Variants in ADCY1 observed in about 807,000 individuals in gnomAD.
The protein encoded by ADCY1 is adenylate cyclase 1, also known as adenylate cyclase type 1.
ADCY1 carries 28 observed loss-of-function variants against 105.4 expected under a neutral mutation model. That is an observed-to-expected ratio of 0.27 (90% CI 0.20 to 0.36). ADCY1 has a LOEUF of 0.36. Among genes scored for constraint, ADCY1 ranks in the 10% least tolerant of loss-of-function variants. The pLI is 1.00. For synonymous variants in ADCY1, 655 were observed against 623.8 expected (o/e 1.05, Z -0.75); for missense variants, 977 against 1,434.2 (o/e 0.68, Z 5.15).
In ADCY1 at chr7:45,710,717, A is replaced by C; in HGVS notation, c.3057+65A>C. 1.3e-6 allele frequency: 2 copies of C among 1,538,734 alleles called. No individual in the cohort carries two copies. The highest frequency in any genetic ancestry group is 1.8e-6 in the Non-Finnish European group (2 of 1,141,916). On this transcript the variant is annotated intron_variant, in intron 19 of 19. Transcript: ENST00000297323. The surrounding 1 kb of genome is among the most constrained non-coding windows in gnomAD (Gnocchi z 4.7). ...TCTTCAGGTGAGGAAACTGAGGCAC[A>C]GGGGGCCAGAATTGAATCCCCAGTC...
At chr7:45,577,592 C>G (rs957859273) in intron 1 of ADCY1, among the ~76,000 whole-genome samples, 2 of 152,216 alleles carry the variant, frequency 1.3e-5, no homozygotes, top group African/African-American at 4.8e-5. Context: ...TGCAGTCACT[C>G]GTTGACAGCA....
intron 6 of ADCY1, among the ~76,000 whole-genome samples, chr7:45,658,527 G>A (rs1010130655): frequency 6.6e-6 from 1 of 152,176 alleles, no homozygotes; most frequent in African/African-American, 2.4e-5. Context: ...CAGAACACTG[G>A]CTGCCCCTCA....
At position 45,686,030 on chromosome 7, in the gene ADCY1, C is replaced by T. The variant is rs1339477009; in HGVS notation, c.2142C>T (p.Gly714=). ...CCCTGGTGGTCCTTTCGTCTGGGGGCCAGCGCACAGCCCTGCCCACCCTGC... is the reference window on the plus strand; with the variant it reads ...CCCTGGTGGTCCTTTCGTCTGGGGGTCAGCGCACAGCCCTGCCCACCCTGC... ...NSSLVVLSSG[G]QRTALPTLPC... is the part of the protein sequence containing the mutation. The change falls in exon 13 of 20, where the codon GGC becomes GGT. Residue 714 remains glycine, a synonymous_variant. Transcript: ENST00000297323. This position sits in a 1 kb window ranked among gnomAD's most constrained non-coding sequence, Gnocchi z 4.3. 1 of 1,614,058 alleles carries T rather than the reference C, an allele frequency of 6.2e-7. No homozygotes were observed. Among genetic ancestry groups the T allele is most frequent in the Non-Finnish European group, 8.5e-7 (1 of 1,179,994 alleles).
rs1785196609 is a variant in ADCY1 at position 45,710,055 on chromosome 7, G to T, written c.2933-473G>T. Reference sequence around the variant, plus strand: ...CTGCACCATCTTGCTTAGTTATGGGGCCCATACTCTAAAATAGCCATAAGG... The same window carrying T: ...CTGCACCATCTTGCTTAGTTATGGGTCCCATACTCTAAAATAGCCATAAGG... On this transcript the variant is annotated intron_variant, in intron 18 of 19. Coordinates refer to ENST00000297323, the MANE Select transcript of ADCY1 (RefSeq NM_021116.4). The surrounding 1 kb of genome is among the most constrained non-coding windows in gnomAD (Gnocchi z 4.7). Among the ~76,000 whole-genome samples the T allele has an allele frequency of 1.3e-5, 2 of 152,188 alleles. 1 individual carries two copies. Among genetic ancestry groups the T allele is most frequent in the South Asian group, 4.1e-4 (2 of 4,830 alleles).
intron 16 of ADCY1, 138 bp from the exon 17 acceptor site, chr7:45,704,380 T>C: frequency 1.5e-6 from 1 of 688,318 alleles, no homozygotes; most frequent in South Asian, 1.8e-5. Context: ...TCCTAGAACT[T>C]GTCTGCCCAA....
chr7:45,635,196 T>G (rs892354612), intron 4 of ADCY1, among the ~76,000 whole-genome samples: 1 of 151,996 alleles, frequency 6.6e-6, no homozygotes, highest in African/African-American at 2.4e-5. Flanking sequence ...TTCCTTGTTT[T>G]CCTTCTAATA....
At chr7:45,638,199 C>T (rs1343206806) in intron 4 of ADCY1, among the ~76,000 whole-genome samples, 1 of 152,170 alleles carries the variant, frequency 6.6e-6, no homozygotes, top group East Asian at 1.9e-4. Flanking sequence ...TCCTCTTCCT[C>T]CTTCGGGGAC....
chr7:45,689,171 C>A (rs1784740983), intron 14 of ADCY1, among the ~76,000 whole-genome samples: 1 of 151,900 alleles, frequency 6.6e-6, no homozygotes, highest in South Asian at 2.1e-4. Flanking sequence ...CCTTTGGCCT[C>A]TCCCGGGGAA....
intron 17 of ADCY1, among the ~76,000 whole-genome samples, chr7:45,706,761 G>A (rs997679889): frequency 6.6e-6 from 1 of 152,008 alleles, no homozygotes; most frequent in African/African-American, 2.4e-5. Context: ...TTTAGAGAAT[G>A]AAAAGTCAAG....
chr7:45,648,649 G>A (rs1336940639), intron 4 of ADCY1, 21 bp from the exon 5 acceptor site: 1 of 1,613,882 alleles, frequency 6.2e-7, no homozygotes, highest in African/African-American at 1.3e-5. Flanking sequence ...CTCTTACCAT[G>A]TGCCTTGCCC....
intron 4 of ADCY1, among the ~76,000 whole-genome samples, chr7:45,640,798 ATTG>A (rs1304394548): frequency 6.6e-6 from 1 of 152,176 alleles, no homozygotes; most frequent in African/African-American, 2.4e-5. Flanking sequence ...TTCCTTGGCT[ATTG>A]TTTTAAGCTA....
intron 3 of ADCY1, among the ~76,000 whole-genome samples, chr7:45,619,101 A>G (rs1003078469): frequency 6.6e-6 from 1 of 152,202 alleles, no homozygotes; most frequent in Non-Finnish European, 1.5e-5. Flanking sequence ...AAGTGAAATA[A>G]GCCAGTCATT....
At chr7:45,659,470 C>T (rs540191124) in intron 6 of ADCY1, among the ~76,000 whole-genome samples, 2 of 152,310 alleles carry the variant, frequency 1.3e-5, no homozygotes, top group South Asian at 2.1e-4. Flanking sequence ...TCTGCTGAGA[C>T]GATGCCAACT....
At position 45,574,711 on chromosome 7, in the gene ADCY1, G is replaced by A; in HGVS notation, c.168G>A (p.Leu56=). ...EALFRGYTLR[L]EQAATLKALA... ...TGTTCCGCGGCTACACGCTGCGGCT[G>A]GAGCAGGCGGCCACGCTGAAGGCGC... The change falls in exon 1 of 20, where the codon CTG becomes CTA. Residue 56 remains leucine, a synonymous_variant. Coordinates refer to ENST00000297323, the MANE Select transcript of ADCY1 (RefSeq NM_021116.4). This position sits in a 1 kb window ranked among gnomAD's most constrained non-coding sequence, Gnocchi z 7.0. 5.0e-6 allele frequency: 7 copies of A among 1,406,152 alleles called. No individual in the cohort carries two copies. Among genetic ancestry groups the A allele is most frequent in the Non-Finnish European group, 6.4e-6 (7 of 1,086,440 alleles). 87.1% of individuals were successfully genotyped at this position (1,406,152 alleles called of 1,614,324 possible). A position where few individuals can be genotyped will look rare whatever the true frequency, so the allele number is the denominator to read the frequency against.
At chr7:45,696,389 A>G (rs1784881741) in intron 14 of ADCY1, among the ~76,000 whole-genome samples, 1 of 138,252 alleles carries the variant, frequency 7.2e-6, no homozygotes, top group African/African-American at 2.7e-5. Context: ...CAGTGAGCTG[A>G]GATCACCCCA....
At chr7:45,583,830 G>A (rs1792634593) in intron 1 of ADCY1, among the ~76,000 whole-genome samples, 1 of 151,780 alleles carries the variant, frequency 6.6e-6, no homozygotes, top group Non-Finnish European at 1.5e-5. Context: ...AGTAGAGATG[G>A]GGTTTCTCCA....
chr7:45,674,281 C>T (rs1482474619), intron 8 of ADCY1, among the ~76,000 whole-genome samples: 2 of 152,046 alleles, frequency 1.3e-5, no homozygotes, highest in Non-Finnish European at 2.9e-5. Context: ...TCAATTAGAT[C>T]TTGTTTGATG....
Position 45,703,680 on chromosome 7 carries a change from G to A in ADCY1, c.2652G>A (p.Leu884=). Residue 884 remains leucine, a synonymous_variant, in exon 16 of 20, where the codon CTG becomes CTA. Transcript: ENST00000297323. This position sits in a 1 kb window ranked among gnomAD's most constrained non-coding sequence, Gnocchi z 5.9. The stretch of plus-strand genomic sequence containing the variant: ...ACTTCAATGACTTCTACATCGAGCT[G>A]GACGGCAACAACATGGGGGTGGAGT... ...IPNFNDFYIE[L]DGNNMGVECL... 6.2e-7 allele frequency: 1 copy of A among 1,612,756 alleles called. No homozygotes were observed. Among genetic ancestry groups the A allele is most frequent in the Non-Finnish European group, 8.5e-7 (1 of 1,179,322 alleles).
intron 14 of ADCY1, among the ~76,000 whole-genome samples, chr7:45,687,450 C>T (rs1584332545): frequency 6.6e-6 from 1 of 152,186 alleles, no homozygotes; most frequent in Non-Finnish European, 1.5e-5. Context: ...ACTCCATACT[C>T]CACAGCCCTC....
Sources: allele counts gnomAD v4.1 joint callset (sites outside exome capture counted in the v4.1 genomes callset), GRCh38; gene constraint gnomAD v4.1.1; non-coding constraint Gnocchi (gnomAD v3.1); transcripts MANE v1.5; gene names NCBI Gene and HGNC (gene_info 2026-07-23, HGNC 2026-07-21).